Variants in CD28 observed in about 807,000 individuals in gnomAD.
CD28 encodes T-cell-specific surface glycoprotein CD28.
A neutral mutation model predicts 21.4 loss-of-function variants in CD28; 8 were observed. The observed-to-expected ratio is 0.37, with a 90% CI of 0.22 to 0.68. CD28 has a LOEUF of 0.68. Ranked by LOEUF, CD28 falls within the 30% of genes least tolerant of loss-of-function variation. The probability of loss-of-function intolerance (pLI) is 0.55; values close to 1 mark genes in which losing one functional copy is unlikely to be tolerated. For missense variants in CD28, 239 were observed against 272.2 expected, an observed-to-expected ratio of 0.88 and a Z score of 0.86; for synonymous variants, 106 against 104.0, an observed-to-expected ratio of 1.02 and a Z score of -0.12.
At chr2:203,732,534 AC>A (rs1693921666) in intron 3 of CD28, among the ~76,000 whole-genome samples, 1 of 152,214 alleles carries the variant, frequency 6.6e-6, no homozygotes, top group Non-Finnish European at 1.5e-5. Context: ...ATTCTTGAAG[AC>A]CACGTACTTA....
chr2:203,722,544 T>C (rs917464898), intron 1 of CD28, among the ~76,000 whole-genome samples: 1 of 152,324 alleles, frequency 6.6e-6, no homozygotes, highest in Non-Finnish European at 1.5e-5. Flanking sequence ...CATCTTTCAC[T>C]CCACAATTAT....
In CD28 at chr2:203,728,213, ACTTTTT is replaced by A. The variant is rs1339323606; in HGVS notation, c.409+1226_409+1231del. ...TGTGTGATCTTGGATAAGTCACCTA[ACTTTTT>A]CATAGTCAAAAACTCAGTACAACTG... On this transcript the variant is annotated intron_variant, in intron 2 of 3. Coordinates refer to ENST00000324106, the MANE Select transcript of CD28 (RefSeq NM_006139.4). Among the ~76,000 whole-genome samples the A allele has an allele frequency of 2.0e-5, 3 of 152,208 alleles. No homozygotes were observed. In the East Asian group the frequency reaches 5.8e-4, roughly 29 times the overall value.
rs770563292 is a variant in CD28 at position 203,726,928 on chromosome 2, T to C, written c.348T>C (p.Val116=). 2 of 1,613,378 alleles carry C rather than the reference T, an allele frequency of 1.2e-6. No individual in the cohort carries two copies. Among genetic ancestry groups the C allele is most frequent in the South Asian group, 2.2e-5 (2 of 91,062 alleles). ...ATATTTACTTCTGCAAAATTGAAGT[T>C]ATGTATCCTCCTCCTTACCTAGACA... ...QTDIYFCKIE[V]MYPPPYLDNE... is the part of the protein sequence containing the mutation. The change falls in exon 2 of 4, where the codon GTT becomes GTC. Residue 116 remains valine, a synonymous_variant. Coordinates refer to ENST00000324106, the MANE Select transcript of CD28 (RefSeq NM_006139.4).
At chr2:203,714,916 A>G (rs1036526104) in intron 1 of CD28, among the ~76,000 whole-genome samples, 3 of 152,138 alleles carry the variant, frequency 2.0e-5, no homozygotes, top group African/African-American at 4.8e-5. Context: ...CTGTTTTCCT[A>G]TGCAATGTTA....
intron 1 of CD28, among the ~76,000 whole-genome samples, chr2:203,710,066 AGTAATTTGTTTCTCACAGTTAAGTGTT>A (rs1693269175): frequency 6.6e-6 from 1 of 152,226 alleles, no homozygotes; most frequent in Admixed American, 6.5e-5. Flanking sequence ...TACGGAAAGA[AGTAATTTGTTTCTCACAGTTAAGTGTT>A]GCTCTGAGAC....
chr2:203,715,556 G>C (rs1217350684), intron 1 of CD28, among the ~76,000 whole-genome samples: 1 of 152,116 alleles, frequency 6.6e-6, no homozygotes, highest in Non-Finnish European at 1.5e-5. Context: ...ATTGCTGTGT[G>C]GTGTCTCTGA....
At chr2:203,722,227 G>A (rs1044578303) in intron 1 of CD28, among the ~76,000 whole-genome samples, 1 of 152,146 alleles carries the variant, frequency 6.6e-6, no homozygotes, top group South Asian at 2.1e-4. Flanking sequence ...CTCTGAAAAG[G>A]AGGAGAGATG....
chr2:203,731,456 G>A (rs1400842334), intron 3 of CD28, among the ~76,000 whole-genome samples: 1 of 152,174 alleles, frequency 6.6e-6, no homozygotes, highest in African/African-American at 2.4e-5. Flanking sequence ...TTAAAGGCCA[G>A]GTGCAGTGGC....
chr2:203,734,888 C>A lies in CD28; in HGVS notation c.639C>A (p.Arg213=). ...RKHYQPYAPP[R]DFAAYRS Reference sequence around the variant, plus strand: ...ATTACCAGCCCTATGCCCCACCACGCGACTTCGCAGCCTATCGCTCCTGAC... The same window carrying A: ...ATTACCAGCCCTATGCCCCACCACGAGACTTCGCAGCCTATCGCTCCTGAC... The change falls in exon 4 of 4, where the codon CGC becomes CGA. Residue 213 remains arginine, a synonymous_variant. Transcript: ENST00000324106. The A allele has an allele frequency of 9.9e-6, 16 of 1,614,180 alleles. No homozygotes were observed. Among genetic ancestry groups the A allele is most frequent in the Non-Finnish European group, 1.2e-5 (14 of 1,180,014 alleles).
chr2:203,721,336 T>G (rs1241137119), intron 1 of CD28, among the ~76,000 whole-genome samples: 2 of 152,184 alleles, frequency 1.3e-5, no homozygotes, highest in Non-Finnish European at 2.9e-5. Context: ...CTTCATCACC[T>G]TCAGAAGAGA....
At chr2:203,724,782 G>A (rs1299909536) in intron 1 of CD28, among the ~76,000 whole-genome samples, 1 of 152,134 alleles carries the variant, frequency 6.6e-6, no homozygotes, top group Non-Finnish European at 1.5e-5. Context: ...CTGTGTATAT[G>A]AATTCAAATT....
chr2:203,718,059 T>C (rs929892592), intron 1 of CD28, among the ~76,000 whole-genome samples: 2 of 152,152 alleles, frequency 1.3e-5, no homozygotes, highest in South Asian at 4.1e-4. Context: ...AATAGCTTTG[T>C]TTTTATCTTC....
chr2:203,706,538 G>A, upstream of CD28: 1 of 1,557,906 alleles, frequency 6.4e-7, no homozygotes, highest in Non-Finnish European at 8.7e-7. Context: ...CTTGTGGTTT[G>A]AGTGCCTTGA....
intron 1 of CD28, among the ~76,000 whole-genome samples, chr2:203,718,377 T>C (rs1319787045): frequency 1.3e-5 from 2 of 152,228 alleles, no homozygotes; most frequent in African/African-American, 4.8e-5. Context: ...GTAACTTAAC[T>C]AGCTCTGTGG....
At chr2:203,717,496 G>A (rs190887413) in intron 1 of CD28, among the ~76,000 whole-genome samples, 1 of 152,256 alleles carries the variant, frequency 6.6e-6, no homozygotes, top group Non-Finnish European at 1.5e-5. Context: ...ACTACCCCTC[G>A]TGGTTCTGCT....
chr2:203,706,573 C>T (rs200559188), upstream of CD28: 9 of 1,584,260 alleles, frequency 5.7e-6, no homozygotes, highest in Admixed American at 1.8e-5. Context: ...GGGATGGTGG[C>T]GGTGGTGGTG....
chr2:203,729,181 T>G (rs1268871423), intron 2 of CD28, among the ~76,000 whole-genome samples: 1 of 152,224 alleles, frequency 6.6e-6, no homozygotes, highest in Non-Finnish European at 1.5e-5. Context: ...GAGACAGGGT[T>G]GGAACTAGAA....
At chr2:203,729,489 G>T (rs1693832507) in intron 2 of CD28, among the ~76,000 whole-genome samples, 159 bp from the exon 3 acceptor site, 1 of 152,180 alleles carries the variant, frequency 6.6e-6, no homozygotes, top group African/African-American at 2.4e-5. Flanking sequence ...GGTCAGTGGT[G>T]GGGTTGGGTA....
intron 2 of CD28, 61 bp downstream of exon 2, chr2:203,727,050 A>T (rs1693771317): frequency 9.5e-7 from 1 of 1,052,328 alleles, no homozygotes; most frequent in Non-Finnish European, 1.5e-6. Flanking sequence ...GCAGTCCTGA[A>T]AACTGGGTTG....
Sources: gnomAD v4.1 joint callset for allele counts (sites outside exome capture counted in the v4.1 genomes callset) on GRCh38, gnomAD v4.1.1 for gene constraint, MANE v1.5 for transcripts, NCBI Gene and HGNC (gene_info 2026-07-23, HGNC 2026-07-21) for gene names.